The following ZNF33A variants were observed in gnomAD, a reference collection of about 807,000 sequenced individuals.
ZNF33A encodes the protein brain my041 protein.
Under a neutral mutation model 15.9 loss-of-function variants are expected in ZNF33A, and 9 were observed. The observed-to-expected ratio is 0.57, with a 90% confidence interval of 0.34 to 0.99. ZNF33A has a LOEUF of 0.99. Ranked by LOEUF, ZNF33A falls within the 50% of genes least tolerant of loss-of-function variation. ZNF33A has a pLI of 0.02. For missense variants in ZNF33A, 843 were observed against 941.6 expected (o/e 0.90, Z 1.37); for synonymous variants, 294 against 324.2 (o/e 0.91, Z 1.00).
intron 4 of ZNF33A, among the ~76,000 whole-genome samples, chr10:38,051,827 G>A (rs1337673976): frequency 6.6e-6 from 1 of 151,834 alleles, no homozygotes; most frequent in Non-Finnish European, 1.5e-5. Flanking sequence ...CATCAATTAT[G>A]TAGTCATCTC....
rs2064274376 is a variant in ZNF33A, at chr10:38,013,144, CT to C, written c.9+795del. ...TTTATTTTTTTGAGACGGAATCTTG[CT>C]CTCTTGCCATTCTGGAGTACAGTGG... On this transcript the variant is annotated intron_variant, in intron 2 of 4. Coordinates refer to ENST00000432900, the MANE Select transcript of ZNF33A (RefSeq NM_006954.2). Among the ~76,000 whole-genome samples, 9 of 152,046 alleles carry C rather than the reference CT, an allele frequency of 5.9e-5. No homozygotes were observed. The South Asian group carries it at 1.7e-3, about 28-fold the overall frequency.
chr10:38,065,840 A>G (rs2066705774), downstream of ZNF33A, among the ~76,000 whole-genome samples: 1 of 151,806 alleles, frequency 6.6e-6, no homozygotes, highest in Non-Finnish European at 1.5e-5. Flanking sequence ...CCTCCTGAGT[A>G]GCTGGGATTA....
rs1328157426 is a variant in ZNF33A, at chr10:38,056,630, A to G, written c.*70A>G. The G allele has an allele frequency of 4.0e-6, 6 of 1,487,660 alleles. No homozygotes were observed. The Admixed American group carries it at 1.2e-4, about 30-fold the overall frequency. 92.2% of individuals were successfully genotyped at this position (1,487,660 alleles called of 1,614,324 possible). A position where few individuals can be genotyped will look rare whatever the true frequency, so the allele number is the denominator to read the frequency against. On this transcript the variant is annotated 3_prime_UTR_variant, in exon 5 of 5. Coordinates refer to ENST00000432900, the MANE Select transcript of ZNF33A (RefSeq NM_006954.2). ...GATAAACCCATAGACTACAACAATT[A>G]TAGGACAGCTTTTGTTAGGAAGTGA...
intron 4 of ZNF33A, among the ~76,000 whole-genome samples, chr10:38,038,772 T>C (rs912509968): frequency 6.6e-6 from 1 of 152,210 alleles, no homozygotes; most frequent in African/African-American, 2.4e-5. Context: ...CCTGGTTTGC[T>C]GATTGTTTTT....
At position 38,010,738 on chromosome 10, in the gene ZNF33A, G is replaced by A. The variant is rs2064127666; in HGVS notation, c.-90G>A. 6.3e-7 allele frequency: 1 copy of A among 1,598,440 alleles called. No individual in the cohort carries two copies. The highest frequency in any genetic ancestry group is 8.5e-7 in the Non-Finnish European group (1 of 1,179,806). On this transcript the variant is annotated 5_prime_UTR_variant, in exon 1 of 5. Transcript: ENST00000432900. ...GGGAGGCGGTCCCGGGATTTCAAGG[G>A]TCTACGCGCTTTTCTATGGCGAATG...
At chr10:38,021,034 G>T (rs113984990) in intron 4 of ZNF33A, among the ~76,000 whole-genome samples, 11 of 152,136 alleles carry the variant, frequency 7.2e-5, no homozygotes, top group African/African-American at 2.7e-4. Context: ...CCTGCGGGGG[G>T]AGTGGGTATG....
chr10:38,047,719 T>C (rs2066016713), intron 4 of ZNF33A, among the ~76,000 whole-genome samples: 3 of 146,134 alleles, frequency 2.1e-5, no homozygotes, highest in Non-Finnish European at 1.5e-5. Flanking sequence ...ACACATGGAA[T>C]TGGAGTCTGT....
intron 4 of ZNF33A, among the ~76,000 whole-genome samples, chr10:38,047,411 C>T (rs17609101): frequency 2.6e-5 from 4 of 151,468 alleles, no homozygotes; most frequent in East Asian, 1.9e-4. Flanking sequence ...CTGTGGATCA[C>T]GAGGTCAAGA....
intron 2 of ZNF33A, among the ~76,000 whole-genome samples, chr10:38,012,842 C>T (rs1005683129): frequency 3.9e-5 from 6 of 152,230 alleles, no homozygotes; most frequent in African/African-American, 1.4e-4. Context: ...ATAAGTTGAG[C>T]TTCGTATGTT....
At chr10:38,065,607 C>T (rs1462889356), downstream of ZNF33A, among the ~76,000 whole-genome samples, 2 of 152,176 alleles carry the variant, frequency 1.3e-5, no homozygotes, top group East Asian at 3.8e-4. Context: ...CCTGGCAGAT[C>T]CAGCCTCATT....
chr10:38,047,746 A>G (rs1268021134), intron 4 of ZNF33A, among the ~76,000 whole-genome samples: 1 of 151,912 alleles, frequency 6.6e-6, no homozygotes. Flanking sequence ...AAAGTGGGAA[A>G]AGAACAGAAA....
At chr10:38,029,127 T>C (rs1396763248) in intron 4 of ZNF33A, among the ~76,000 whole-genome samples, 1 of 152,216 alleles carries the variant, frequency 6.6e-6, no homozygotes. Context: ...TTTATATTTG[T>C]CTATATAGTT....
chr10:38,054,280 C>T, intron 4 of ZNF33A, 95 bp from the exon 5 acceptor site: 3 of 1,311,622 alleles, frequency 2.3e-6, no homozygotes. Context: ...GCCAAAAAAC[C>T]AGTCAGCTGC....
chr10:38,017,283 G>C lies in ZNF33A; in HGVS notation c.155-8G>C. 1.2e-6 allele frequency: 2 copies of C among 1,612,740 alleles called. No homozygotes were observed. The highest frequency in any genetic ancestry group is 1.1e-5 in the South Asian group (1 of 90,986). ...TGGTCCAAATCCTAAATTATTTCCT[G>C]TTAACAGGGTATTGTGTTCACAAAC... On this transcript the variant is annotated splice_region_variant and splice_polypyrimidine_tract_variant and intron_variant, in intron 3 of 4. Transcript: ENST00000432900.
At chr10:38,017,912 T>C (rs1243214554) in intron 4 of ZNF33A, among the ~76,000 whole-genome samples, 1 of 152,118 alleles carries the variant, frequency 6.6e-6, no homozygotes, top group Admixed American at 6.5e-5. Flanking sequence ...CTGGCCAACA[T>C]GGTGAAACCC....
intron 4 of ZNF33A, chr10:38,039,526 C>T: frequency 2.2e-6 from 1 of 455,998 alleles, no homozygotes; most frequent in South Asian, 1.6e-5. Flanking sequence ...AGCATCCCAC[C>T]TGTAATGGGG....
At chr10:38,045,829 G>GT (rs1389328434) in intron 4 of ZNF33A, among the ~76,000 whole-genome samples, 1 of 152,182 alleles carries the variant, frequency 6.6e-6, no homozygotes, top group Non-Finnish European at 1.5e-5. Context: ...TCTGAACAAA[G>GT]TGAGTTTTCT....
chr10:38,021,533 TAAG>T (rs2064745477), intron 4 of ZNF33A, among the ~76,000 whole-genome samples: 1 of 151,938 alleles, frequency 6.6e-6, no homozygotes, highest in East Asian at 1.9e-4. Flanking sequence ...CCCAGCTACT[TAAG>T]AAGCTGAGGT....
downstream of ZNF33A, among the ~76,000 whole-genome samples, chr10:38,062,525 T>A (rs993554303): frequency 2.0e-5 from 3 of 152,204 alleles, no homozygotes; most frequent in Non-Finnish European, 4.4e-5. Context: ...GAGACTATTA[T>A]GAGTGCGTGT....
Sources: gnomAD v4.1 joint callset for allele counts (sites outside exome capture counted in the v4.1 genomes callset) on GRCh38, gnomAD v4.1.1 for gene constraint, MANE v1.5 for transcripts, NCBI Gene and HGNC (gene_info 2026-07-23, HGNC 2026-07-21) for gene names.